MOB1B: variants seen among roughly 807,000 people sequenced by gnomAD.
MOB1B encodes the protein MOB1 Mps One Binder homolog B.
Under a neutral mutation model 24.4 loss-of-function variants are expected in MOB1B, and 19 were observed. That is an observed-to-expected ratio of 0.78 (90% CI 0.54 to 1.14). The LOEUF is 1.14. Ranked by LOEUF, MOB1B falls within the 50% of genes most tolerant of loss-of-function variation. The pLI, the probability that MOB1B is intolerant of heterozygous loss-of-function variation, is 0.00. For synonymous variants in MOB1B, 76 were observed against 82.1 expected (o/e 0.93, Z 0.40); for missense variants, 243 against 259.6 (o/e 0.94, Z 0.44).
intron 1 of MOB1B, among the ~76,000 whole-genome samples, chr4:70,902,820 T>G (rs1054585500): frequency 7.9e-5 from 12 of 152,212 alleles, no homozygotes; most frequent in African/African-American, 2.9e-4. Context: ...GCGCCTGGAT[T>G]CCTTCATCAC....
intron 1 of MOB1B, among the ~76,000 whole-genome samples, chr4:70,946,429 C>T (rs1225289682): frequency 2.0e-5 from 3 of 152,010 alleles, no homozygotes; most frequent in South Asian, 2.1e-4. Context: ...TCATATCCCT[C>T]GTAACCCACG....
chr4:70,905,449 A>G (rs941985510), intron 1 of MOB1B, among the ~76,000 whole-genome samples: 3 of 151,384 alleles, frequency 2.0e-5, no homozygotes, highest in African/African-American at 7.3e-5. Flanking sequence ...GGGTTTTGCC[A>G]TGTTGCCCAG....
intron 1 of MOB1B, among the ~76,000 whole-genome samples, chr4:70,933,711 C>A (rs983740354): frequency 6.6e-6 from 1 of 151,992 alleles, no homozygotes; most frequent in African/African-American, 2.4e-5. Context: ...GCTACCACGC[C>A]TGGCTAATTT....
At chr4:70,923,106 G>A (rs1039725339) in intron 1 of MOB1B, among the ~76,000 whole-genome samples, 1 of 152,132 alleles carries the variant, frequency 6.6e-6, no homozygotes, top group Non-Finnish European at 1.5e-5. Flanking sequence ...GCTTAGAACC[G>A]CAGCACAAAA....
chr4:70,979,398 G>C (rs1337561750), intron 5 of MOB1B, 107 bp downstream of exon 5: 1 of 802,820 alleles, frequency 1.2e-6, no homozygotes, highest in Non-Finnish European at 2.0e-6. Context: ...CCATATCTCT[G>C]TAGTCTGCAT....
chr4:70,909,369 G>A (rs776276678), intron 1 of MOB1B, among the ~76,000 whole-genome samples: 2 of 151,956 alleles, frequency 1.3e-5, no homozygotes, highest in Non-Finnish European at 2.9e-5. Context: ...TAGGCCAGGT[G>A]TGGTAGCTCA....
intron 1 of MOB1B, among the ~76,000 whole-genome samples, chr4:70,950,427 C>CAAAAA (rs34937726): frequency 5.7e-5 from 4 of 70,372 alleles, no homozygotes; most frequent in African/African-American, 1.2e-4. Context: ...GTCTCTGTAT[C>CAAAAA]AAAAAAAAAA....
At chr4:70,931,051 G>C (rs1736873638) in intron 1 of MOB1B, among the ~76,000 whole-genome samples, 1 of 150,326 alleles carries the variant, frequency 6.7e-6, no homozygotes, top group African/African-American at 2.5e-5. Context: ...TTTCACAGTG[G>C]GCCTTTCCTG....
At chr4:70,964,116 T>C (rs1421992322) in intron 2 of MOB1B, among the ~76,000 whole-genome samples, 1 of 152,170 alleles carries the variant, frequency 6.6e-6, no homozygotes, top group Non-Finnish European at 1.5e-5. Flanking sequence ...ATCTCAAAAG[T>C]TTATTAATAT....
Position 70,979,727 on chromosome 4 carries a change from A to T in MOB1B, c.573+436A>T, listed in dbSNP as rs879872037. 3.3e-5 allele frequency among the ~76,000 whole-genome samples: 5 copies of T among 152,282 alleles called. No homozygotes were observed. The East Asian group carries it at 7.7e-4, about 23-fold the overall frequency. ...GTCCTTTTGTTTTTTTTAAAACCACATTCTAAATAAGTTTTAAGTTAAGGA... is the reference window on the plus strand; with the variant it reads ...GTCCTTTTGTTTTTTTTAAAACCACTTTCTAAATAAGTTTTAAGTTAAGGA... On this transcript the variant is annotated intron_variant, in intron 5 of 5. Transcript: ENST00000309395.
intron 1 of MOB1B, among the ~76,000 whole-genome samples, chr4:70,938,188 A>C (rs989059005): frequency 2.0e-5 from 3 of 151,544 alleles, no homozygotes; most frequent in African/African-American, 7.3e-5. Context: ...TTCTGTGTGC[A>C]TGAGTGTGGA....
Position 70,970,034 on chromosome 4 carries a change from A to G in MOB1B, c.275+10A>G, listed in dbSNP as rs2148899791. 2.1e-6 allele frequency: 3 copies of G among 1,451,946 alleles called. No homozygotes were observed. Among genetic ancestry groups the G allele is most frequent in the Non-Finnish European group, 1.9e-6 (2 of 1,045,042 alleles). 89.9% of individuals were successfully genotyped at this position (1,451,946 alleles called of 1,614,324 possible). ...TGTCAGCTGGCCCAAAGTAAGACAT[A>G]GTTAATGATCAGTTTCTTATTTTTA... is the stretch of plus-strand genomic sequence containing the variant. On this transcript the variant is annotated intron_variant, in intron 3 of 5. Transcript: ENST00000309395.
chr4:70,981,994 T>C lies in MOB1B; in HGVS notation c.588T>C (p.Ile196=). 1 of 1,609,320 alleles carries C rather than the reference T, an allele frequency of 6.2e-7. No homozygotes were observed. The highest frequency in any genetic ancestry group is 1.1e-5 in the South Asian group (1 of 90,884). Residue 196 remains isoleucine (I), a synonymous_variant, in exon 6 of 6, where the codon ATT becomes ATC. Coordinates refer to ENST00000309395, the MANE Select transcript of MOB1B (RefSeq NM_173468.4). ...ATCATGCATAGGAATTCAACCTTATTGATAGAAGAGAACTTGCACCACTCC... is the reference window on the plus strand; with the variant it reads ...ATCATGCATAGGAATTCAACCTTATCGATAGAAGAGAACTTGCACCACTCC... ...FIFFVQEFNL[I]DRRELAPLQE...
At chr4:70,926,788 A>C (rs1056679400) in intron 1 of MOB1B, among the ~76,000 whole-genome samples, 1 of 151,550 alleles carries the variant, frequency 6.6e-6, no homozygotes, top group African/African-American at 2.4e-5. Flanking sequence ...TGAGGTCAGG[A>C]GATCGAGACC....
chr4:70,954,175 G>A (rs1737933854), intron 1 of MOB1B, among the ~76,000 whole-genome samples: 1 of 152,176 alleles, frequency 6.6e-6, no homozygotes. Flanking sequence ...GGATAGAATA[G>A]GATTTGGGGT....
chr4:70,916,574 C>CT (rs945920726), intron 1 of MOB1B, among the ~76,000 whole-genome samples: 221 of 147,914 alleles, frequency 1.5e-3, no homozygotes, highest in Non-Finnish European at 2.4e-3. Context: ...CACTGAATAT[C>CT]TTTTTTTTTT....
chr4:70,983,980 C>T lies in MOB1B; in HGVS notation c.*1923C>T, dbSNP rs6446977. 144,452 of 152,636 alleles carry T rather than the reference C, an allele frequency of 0.95. 68,676 individuals carry two copies. The highest frequency in any genetic ancestry group is 0.99 in the Non-Finnish European group (67,340 of 67,970). The allele number at this position is 152,636 out of a possible 1,614,324, so 9.5% of individuals were successfully genotyped here. A position where few individuals can be genotyped will look rare whatever the true frequency, so the allele number is the denominator to read the frequency against. ...TTGTGAGGTGATTTTGAATCTTGTCCATATAGGAAAATGAAGCACAGAATT... is the reference window on the plus strand; with the variant it reads ...TTGTGAGGTGATTTTGAATCTTGTCTATATAGGAAAATGAAGCACAGAATT... On this transcript the variant is annotated 3_prime_UTR_variant, in exon 6 of 6. Coordinates refer to ENST00000309395, the MANE Select transcript of MOB1B (RefSeq NM_173468.4).
chr4:70,976,688 T>C (rs914476986), intron 4 of MOB1B: 2 of 952,484 alleles, frequency 2.1e-6, no homozygotes, highest in Non-Finnish European at 2.5e-6. Context: ...TTTAAACATA[T>C]TTATTGAATG....
At chr4:70,908,586 A>G (rs1433342359) in intron 1 of MOB1B, among the ~76,000 whole-genome samples, 1 of 150,790 alleles carries the variant, frequency 6.6e-6, no homozygotes, top group Non-Finnish European at 1.5e-5. Context: ...CAGCCTGGCC[A>G]ACATGGTGAA....
Sources: allele counts gnomAD v4.1 joint callset (sites outside exome capture counted in the v4.1 genomes callset), GRCh38; gene constraint gnomAD v4.1.1; transcripts MANE v1.5; gene names NCBI Gene and HGNC (gene_info 2026-07-23, HGNC 2026-07-21).